JAM2: variants seen among roughly 807,000 people sequenced by gnomAD.
The protein encoded by JAM2 is junctional adhesion molecule B.
In JAM2, 17 loss-of-function variants were observed where a neutral mutation model predicts 42.0. That is an observed-to-expected ratio of 0.40 (90% CI 0.28 to 0.61). The LOEUF (loss-of-function observed/expected upper bound fraction) is 0.61, where lower values mean the gene tolerates loss of function less well. Among genes scored for constraint, JAM2 ranks in the 20% least tolerant of loss-of-function variants. The probability of loss-of-function intolerance (pLI) is 0.37; values close to 1 mark genes in which losing one functional copy is unlikely to be tolerated. For missense variants in JAM2, 319 were observed against 358.3 expected (o/e 0.89, Z 0.89); for synonymous variants, 118 against 128.6 (o/e 0.92, Z 0.56).
At chr21:25,661,998 AT>A (rs536363673) in intron 1 of JAM2, among the ~76,000 whole-genome samples, 3 of 151,716 alleles carry the variant, frequency 2.0e-5, no homozygotes, top group Admixed American at 2.0e-4. Flanking sequence ...CTATTTAAGT[AT>A]TTTTTTTCCT....
intron 1 of JAM2, among the ~76,000 whole-genome samples, chr21:25,652,490 A>G (rs1327886644): frequency 6.6e-6 from 1 of 152,228 alleles, no homozygotes; most frequent in Admixed American, 6.5e-5. Flanking sequence ...GAACCTAAAA[A>G]CATAATATTC....
At chr21:25,642,483 C>T (rs1329611696) in intron 1 of JAM2, among the ~76,000 whole-genome samples, 1 of 152,120 alleles carries the variant, frequency 6.6e-6, no homozygotes, top group Non-Finnish European at 1.5e-5. Flanking sequence ...CTGTGCCATT[C>T]TTTTGGCCAC....
At chr21:25,672,386 A>G (rs543668407) in intron 1 of JAM2, among the ~76,000 whole-genome samples, 2 of 152,338 alleles carry the variant, frequency 1.3e-5, no homozygotes, top group South Asian at 4.1e-4. Flanking sequence ...GAATTTCAGA[A>G]CCAGAGTTCA....
At chr21:25,690,018 A>T (rs756061096) in intron 3 of JAM2, 45 bp downstream of exon 3, 1 of 1,150,212 alleles carries the variant, frequency 8.7e-7, no homozygotes, top group Non-Finnish European at 1.3e-6. Context: ...GAGAATGCCA[A>T]GTACAACCAG....
intron 1 of JAM2, among the ~76,000 whole-genome samples, chr21:25,656,463 T>C (rs2829848): frequency 0.016 from 2,421 of 152,314 alleles, 74 homozygotes; most frequent in African/African-American, 0.054. Flanking sequence ...TTTCTCATAG[T>C]TCCTTTAGCC....
chr21:25,656,738 G>A (rs182646429), intron 1 of JAM2, among the ~76,000 whole-genome samples: 36 of 152,256 alleles, frequency 2.4e-4, no homozygotes, highest in Admixed American at 1.8e-3. Context: ...ACTCCTTTGC[G>A]TCTTAATTTT....
intron 6 of JAM2, among the ~76,000 whole-genome samples, chr21:25,705,108 T>C (rs2034244528): frequency 6.6e-6 from 1 of 152,232 alleles, no homozygotes. Flanking sequence ...GATGACAGTT[T>C]AGTTGCATAT....
chr21:25,669,354 A>C (rs1371996634), intron 1 of JAM2, among the ~76,000 whole-genome samples: 7 of 151,158 alleles, frequency 4.6e-5, no homozygotes, highest in Non-Finnish European at 2.9e-5. Flanking sequence ...CCTGGGCAAC[A>C]GAGTGAAACC....
In JAM2 at chr21:25,715,728, T is replaced by A. The variant is rs2034465358; in HGVS notation, c.*1056T>A. On this transcript the variant is annotated 3_prime_UTR_variant, in exon 10 of 10. Coordinates refer to ENST00000480456, the MANE Select transcript of JAM2 (RefSeq NM_021219.4). The stretch of plus-strand genomic sequence containing the variant: ...CATGAGCAATGGCTCAAACGAAAAG[T>A]GGATCTAATGTGGGTTTCTCAACCG... 2 of 152,198 alleles carry A rather than the reference T, an allele frequency of 1.3e-5. No individual in the cohort carries two copies. Among genetic ancestry groups the A allele is most frequent in the Non-Finnish European group, 2.9e-5 (2 of 68,040 alleles). 9.4% of individuals were successfully genotyped at this position (152,198 alleles called of 1,614,324 possible).
intron 4 of JAM2, among the ~76,000 whole-genome samples, chr21:25,695,829 C>T (rs555485434): frequency 1.5e-5 from 2 of 135,880 alleles, no homozygotes; most frequent in Admixed American, 7.2e-5. Context: ...CATCCCAGAC[C>T]GGGCGGCGGG....
At chr21:25,650,504 G>A (rs77617346) in intron 1 of JAM2, among the ~76,000 whole-genome samples, 15,788 of 152,070 alleles carry the variant, frequency 0.1, 1,156 homozygotes, top group East Asian at 0.38. Flanking sequence ...TAAAGATGCT[G>A]GCATGTTCAA....
At chr21:25,705,293 C>T (rs2123410138) in intron 6 of JAM2, among the ~76,000 whole-genome samples, 1 of 152,286 alleles carries the variant, frequency 6.6e-6, no homozygotes, top group South Asian at 2.1e-4. Flanking sequence ...AGAAGTAGTG[C>T]AATCATAGTT....
At chr21:25,707,600 C>T (rs1384616504) in intron 7 of JAM2, among the ~76,000 whole-genome samples, 1 of 151,846 alleles carries the variant, frequency 6.6e-6, no homozygotes, top group East Asian at 1.9e-4. Context: ...TAACTTCACA[C>T]CTCCATTTGA....
At chr21:25,694,357 C>T (rs2123388791) in intron 4 of JAM2, among the ~76,000 whole-genome samples, 1 of 152,206 alleles carries the variant, frequency 6.6e-6, no homozygotes, top group Admixed American at 6.5e-5. Flanking sequence ...TGATTATATA[C>T]CTGATATGTT....
chr21:25,700,367 A>T (rs971015139), intron 5 of JAM2, among the ~76,000 whole-genome samples: 4 of 150,950 alleles, frequency 2.6e-5, no homozygotes, highest in Non-Finnish European at 5.9e-5. Flanking sequence ...AATAATTTTT[A>T]AAAATGTTTT....
At chr21:25,701,408 C>T (rs909141309) in intron 5 of JAM2, among the ~76,000 whole-genome samples, 2 of 151,464 alleles carry the variant, frequency 1.3e-5, no homozygotes, top group Non-Finnish European at 2.9e-5. Context: ...TCCCTCTCTC[C>T]CTCCCTCTCT....
chr21:25,641,188 C>T (rs1301965579), intron 1 of JAM2, among the ~76,000 whole-genome samples: 1 of 144,678 alleles, frequency 6.9e-6, no homozygotes, highest in African/African-American at 2.5e-5. Context: ...TGCTAAAAGG[C>T]AACAGAGAGG....
intron 5 of JAM2, 66 bp downstream of exon 5, chr21:25,698,945 T>A: frequency 7.2e-7 from 1 of 1,386,920 alleles, no homozygotes; most frequent in Non-Finnish European, 1.0e-6. Context: ...TATTAGAACT[T>A]AAGATGACGT....
chr21:25,669,486 T>C (rs2033307065), intron 1 of JAM2, among the ~76,000 whole-genome samples: 2 of 152,200 alleles, frequency 1.3e-5, no homozygotes, highest in East Asian at 3.8e-4. Context: ...GAATCATTTG[T>C]GAAATGTTCT....
Sources: allele counts gnomAD v4.1 joint callset (sites outside exome capture counted in the v4.1 genomes callset), GRCh38; gene constraint gnomAD v4.1.1; transcripts MANE v1.5; gene names NCBI Gene and HGNC (gene_info 2026-07-23, HGNC 2026-07-21).